Variants in PSG11 observed in about 807,000 individuals in gnomAD.
PSG11 encodes the protein pregnancy-specific beta-1-glycoprotein 11.
A neutral mutation model predicts 36.0 loss-of-function variants in PSG11; 42 were observed. The observed-to-expected ratio is 1.17, with a 90% CI of 0.91 to 1.51. The LOEUF (loss-of-function observed/expected upper bound fraction) is 1.51, where lower values mean the gene tolerates loss of function less well. Ranked by LOEUF, PSG11 falls within the 40% of genes most tolerant of loss-of-function variation. The pLI is 0.00. For missense variants in PSG11, 558 were observed against 403.5 expected, an observed-to-expected ratio of 1.38 and a Z score of -3.28; for synonymous variants, 206 against 153.5, an observed-to-expected ratio of 1.34 and a Z score of -2.53.
chr19:43,026,448 C>T lies in PSG11; in HGVS notation c.-76G>A. On this transcript the variant is annotated 5_prime_UTR_variant, in exon 1 of 6. Transcript: ENST00000320078. ...GAAGCTTCCAGAGCACGGCTGTCAG[C>T]TGTGCTGTCCTTCCTCCTTCTGCGC... 6.4e-7 allele frequency: 1 copy of T among 1,563,644 alleles called. No individual in the cohort carries two copies. The highest frequency in any genetic ancestry group is 8.7e-7 in the Non-Finnish European group (1 of 1,146,880).
At position 43,024,165 on chromosome 19, in the gene PSG11, A is replaced by G. The variant is rs576677987; in HGVS notation, c.430+526T>C. Among the ~76,000 whole-genome samples the G allele has an allele frequency of 4.8e-4, 72 of 151,470 alleles. 1 individual carries two copies. The highest frequency in any genetic ancestry group is 1.9e-3 in the East Asian group (10 of 5,146). On this transcript the variant is annotated intron_variant, in intron 2 of 5. Transcript: ENST00000320078. ...CTGAGGGCTGAGCCCTGGCTGGTGA[A>G]CAGCTCCAGGAGACACAGTCCTCAG...
At chr19:43,008,495 C>T (rs1973987822) in intron 5 of PSG11, among the ~76,000 whole-genome samples, 2 of 151,128 alleles carry the variant, frequency 1.3e-5, no homozygotes, top group Admixed American at 6.6e-5. Context: ...CCAGGAAGGT[C>T]TGGATCTCCT....
intron 2 of PSG11, among the ~76,000 whole-genome samples, chr19:43,022,263 G>A (rs1252706070): frequency 6.6e-6 from 1 of 151,530 alleles, no homozygotes; most frequent in Non-Finnish European, 1.5e-5. Flanking sequence ...TGTAGAACGT[G>A]AGATTGGTCT....
chr19:43,015,063 C>G (rs1176639015), intron 4 of PSG11, 53 bp downstream of exon 4: 5 of 1,610,170 alleles, frequency 3.1e-6, no homozygotes, highest in Non-Finnish European at 4.2e-6. Context: ...TCTCTGAAAG[C>G]TAGATAGACT....
At position 43,014,416 on chromosome 19, in the gene PSG11, C is replaced by T. The variant is rs1037221022; in HGVS notation, c.964+700G>A. The T allele has an allele frequency of 5.4e-5, 51 of 950,318 alleles. 1 individual carries two copies. Among genetic ancestry groups the T allele is most frequent in the Middle Eastern group, 5.3e-4 (1 of 1,888 alleles). The allele number at this position is 950,318 out of a possible 1,614,324, so 58.9% of individuals were successfully genotyped here. A position where few individuals can be genotyped will look rare whatever the true frequency, so the allele number is the denominator to read the frequency against. On this transcript the variant is annotated intron_variant, in intron 4 of 5. Coordinates refer to ENST00000320078, the MANE Select transcript of PSG11 (RefSeq NM_002785.3). Reference sequence around the variant, plus strand: ...GTCCCACGTGCTGTGCCCACAGCCTCATACAGCCAGTGACTTCAGAGCCAG... The same window carrying T: ...GTCCCACGTGCTGTGCCCACAGCCTTATACAGCCAGTGACTTCAGAGCCAG...
intron 3 of PSG11, chr19:43,017,085 G>T (rs745661696): frequency 6.6e-6 from 1 of 151,362 alleles, no homozygotes; most frequent in Admixed American, 6.6e-5. Context: ...TGGTTGCCAG[G>T]AGCTGGGAGT....
chr19:43,013,646 A>T lies in PSG11; in HGVS notation c.964+1470T>A, dbSNP rs185302083. Among the ~76,000 whole-genome samples, 437 of 151,564 alleles carry T rather than the reference A, an allele frequency of 2.9e-3. 7 individuals carry two copies. The highest frequency in any genetic ancestry group is 0.01 in the Middle Eastern group (3 of 294). ...AACAGGTGTTTTCAAGTAGATGGAA[A>T]AATTGGAGCTCTAGTGCATTGCTGA... On this transcript the variant is annotated intron_variant, in intron 4 of 5. Coordinates refer to ENST00000320078, the MANE Select transcript of PSG11 (RefSeq NM_002785.3).
chr19:43,025,501 T>A (rs1489158402), intron 1 of PSG11: 2 of 178,386 alleles, frequency 1.1e-5, no homozygotes, highest in Middle Eastern at 4.8e-3. Flanking sequence ...TGACCTCACA[T>A]TCTAGATCTC....
chr19:43,013,422 A>G (rs1027236939), intron 4 of PSG11, among the ~76,000 whole-genome samples: 6 of 151,498 alleles, frequency 4.0e-5, no homozygotes, highest in African/African-American at 9.7e-5. Context: ...GCAGACATCC[A>G]AAAACCCAAT....
At chr19:43,025,690 A>G (rs2526713) in intron 1 of PSG11, among the ~76,000 whole-genome samples, 67,795 of 144,974 alleles carry the variant, frequency 0.47, 17,202 homozygotes, top group East Asian at 0.99. Context: ...GAGGTTTTTT[A>G]TTGAGGACAG....
At chr19:43,020,938 TAGA>T (rs568323100) in intron 2 of PSG11, among the ~76,000 whole-genome samples, 3 of 151,502 alleles carry the variant, frequency 2.0e-5, no homozygotes, top group South Asian at 2.1e-4. Flanking sequence ...TTGTGTGAAT[TAGA>T]AGGAGTCTAA....
intron 2 of PSG11, among the ~76,000 whole-genome samples, chr19:43,022,349 C>A (rs10425276): frequency 0.031 from 4,755 of 151,178 alleles, 425 homozygotes; most frequent in African/African-American, 0.11. Context: ...TGGCTCAGCC[C>A]GTCATGTGGT....
intron 5 of PSG11, 60 bp downstream of exon 5, chr19:43,009,898 C>T (rs1974029973): frequency 1.5e-6 from 2 of 1,338,368 alleles, no homozygotes; most frequent in East Asian, 2.3e-5. Flanking sequence ...AGTCATTTCC[C>T]TCTCCCAAGC....
chr19:43,016,239 T>C (rs1199644378), intron 3 of PSG11, among the ~76,000 whole-genome samples: 1 of 151,314 alleles, frequency 6.6e-6, no homozygotes, highest in South Asian at 2.1e-4. Flanking sequence ...CTGCTTCATC[T>C]TAGGAAAGCA....
intron 4 of PSG11, chr19:43,014,223 A>G (rs998821729): frequency 6.9e-6 from 4 of 583,332 alleles, no homozygotes; most frequent in African/African-American, 6.2e-5. Context: ...TTGCACACTT[A>G]GAAACAGTTA....
intron 3 of PSG11, chr19:43,017,214 AG>A (rs1966989646): frequency 6.6e-6 from 1 of 151,456 alleles, no homozygotes; most frequent in South Asian, 2.1e-4. Context: ...CTTATGCATA[AG>A]ACTTAGGACA....
At chr19:43,011,706 G>T (rs1381827082) in intron 4 of PSG11, among the ~76,000 whole-genome samples, 3 of 150,844 alleles carry the variant, frequency 2.0e-5, no homozygotes, top group African/African-American at 7.3e-5. Flanking sequence ...GGTAACCTGG[G>T]GAGATACTGT....
chr19:43,025,934 CTCTT>C (rs1967241097), intron 1 of PSG11, among the ~76,000 whole-genome samples: 1 of 61,484 alleles, frequency 1.6e-5, no homozygotes, highest in Admixed American at 2.1e-4. Flanking sequence ...TTTTTTTTTT[CTCTT>C]TTTTTTTTTT....
rs1308022459 is a variant in PSG11 at position 43,010,253 on chromosome 19, T to A, written c.965-212A>T. 6.2e-6 allele frequency: 9 copies of A among 1,455,340 alleles called. 1 individual carries two copies. Among genetic ancestry groups the A allele is most frequent in the African/African-American group, 2.9e-5 (2 of 69,444 alleles). The allele number at this position is 1,455,340 out of a possible 1,614,324, so 90.2% of individuals were successfully genotyped here. On this transcript the variant is annotated intron_variant, in intron 4 of 5. Coordinates refer to ENST00000320078, the MANE Select transcript of PSG11 (RefSeq NM_002785.3). ...CAGTTGGTGATCAGTCCTCTGTCAA[T>A]TCTCTACTGCACTCAGGTATTTTGG...
Sources: allele counts gnomAD v4.1 joint callset (sites outside exome capture counted in the v4.1 genomes callset), GRCh38; gene constraint gnomAD v4.1.1; transcripts MANE v1.5; gene names NCBI Gene and HGNC (gene_info 2026-07-23, HGNC 2026-07-21).